The following FGD3 variants were observed in gnomAD, a reference collection of about 807,000 sequenced individuals.
The protein encoded by FGD3 is FYVE, RhoGEF and PH domain containing 3, also known as FYVE, RhoGEF and PH domain-containing protein 3.
In FGD3, 45 loss-of-function variants were observed where a neutral mutation model predicts 71.8. The ratio of observed to expected loss-of-function variants is 0.63; its 90% CI spans 0.49 to 0.80. The LOEUF is 0.80. Among genes scored for constraint, FGD3 ranks in the 30% least tolerant of loss-of-function variants. The probability of loss-of-function intolerance (pLI) is 0.00; values close to 1 mark genes in which losing one functional copy is unlikely to be tolerated. For missense variants in FGD3, 844 were observed against 951.5 expected (o/e 0.89, Z 1.49); for synonymous variants, 378 against 392.8 (o/e 0.96, Z 0.44).
At chr9:92,952,861 C>A (rs1338011811) in intron 1 of FGD3, among the ~76,000 whole-genome samples, 1 of 152,134 alleles carries the variant, frequency 6.6e-6, no homozygotes, top group Non-Finnish European at 1.5e-5. Flanking sequence ...CCCCCGAGGT[C>A]CTCCAGCTCA....
intron 8 of FGD3, among the ~76,000 whole-genome samples, chr9:93,011,712 T>C (rs1023982846): frequency 8.9e-5 from 13 of 146,660 alleles, no homozygotes; most frequent in Middle Eastern, 4.1e-3. Context: ...AAAAATTAGC[T>C]GGGCGTAGTG....
At chr9:92,977,729 A>G (rs755044183) in intron 3 of FGD3, among the ~76,000 whole-genome samples, 3 of 152,186 alleles carry the variant, frequency 2.0e-5, no homozygotes, top group Non-Finnish European at 2.9e-5. Flanking sequence ...AGGGTCAGTC[A>G]GAAGGCAGAG....
At chr9:93,002,536 C>A (rs1860893873) in intron 3 of FGD3, among the ~76,000 whole-genome samples, 2 of 152,140 alleles carry the variant, frequency 1.3e-5, no homozygotes, top group Admixed American at 6.5e-5. Flanking sequence ...TTACTGAAAT[C>A]TTTTCTTGGC....
chr9:93,015,775 G>A lies in FGD3; in HGVS notation c.1221G>A (p.Arg407=), dbSNP rs768048032. The A allele has an allele frequency of 1.9e-6, 3 of 1,614,202 alleles. No homozygotes were observed. The highest frequency in any genetic ancestry group is 1.7e-6 in the Non-Finnish European group (2 of 1,180,040). ...SMILYCVPKL[R]LMGQKFSVRE... is the part of the protein sequence containing the mutation. Reference sequence around the variant, plus strand: ...TCCTTTACTGTGTGCCCAAGCTGCGGCTCATGGGCCAGAAGTTCAGCGTCC... The same window carrying A: ...TCCTTTACTGTGTGCCCAAGCTGCGACTCATGGGCCAGAAGTTCAGCGTCC... The change falls in exon 10 of 18, where the codon CGG becomes CGA. Residue 407 remains arginine (R), a synonymous_variant. Coordinates refer to ENST00000375482, the MANE Select transcript of FGD3 (RefSeq NM_001083536.2).
chr9:93,022,257 T>C, intron 13 of FGD3, 70 bp from the exon 14 acceptor site: 1 of 1,484,322 alleles, frequency 6.7e-7, no homozygotes, highest in Non-Finnish European at 9.3e-7. Flanking sequence ...CTTCAGGAAC[T>C]GTCCCCCCGC....
At chr9:92,981,870 A>G (rs12349817) in intron 3 of FGD3, among the ~76,000 whole-genome samples, 2,304 of 152,184 alleles carry the variant, frequency 0.015, 66 homozygotes, top group African/African-American at 0.052. Context: ...GACAGATACT[A>G]GCTGTACATA....
At chr9:92,998,136 A>G (rs1011234174) in intron 3 of FGD3, among the ~76,000 whole-genome samples, 4 of 152,150 alleles carry the variant, frequency 2.6e-5, no homozygotes, top group African/African-American at 9.7e-5. Flanking sequence ...CTTTTCACAT[A>G]GTCTCATATT....
chr9:92,974,021 C>G (rs1859630889), intron 1 of FGD3, among the ~76,000 whole-genome samples: 1 of 152,254 alleles, frequency 6.6e-6, no homozygotes. Flanking sequence ...TCACCTCATT[C>G]ATTCCCGTCT....
chr9:92,948,212 T>G (rs988744216), intron 1 of FGD3, among the ~76,000 whole-genome samples: 3 of 151,778 alleles, frequency 2.0e-5, no homozygotes, highest in Non-Finnish European at 4.4e-5. Context: ...GGGGACCCCA[T>G]GTCGGATGCT....
chr9:93,010,286 T>C lies in FGD3; in HGVS notation c.878T>C (p.Met293Thr). ...VCGNLTLQHH[M>T]LEPVQRVPRY... is the part of the protein sequence containing the mutation. ...GGGAACCTGACGCTGCAGCACCACA[T>C]GCTGGAGCCCGTGCAGAGGGTCCCC... Residue 293 changes from methionine (M) to threonine (T), a missense_variant, in exon 7 of 18, where the codon ATG becomes ACG. By Grantham distance (81) the Met-to-Thr change is moderately conservative. Transcript: ENST00000375482. The C allele has an allele frequency of 2.5e-6, 4 of 1,613,356 alleles. No homozygotes were observed. Among genetic ancestry groups the C allele is most frequent in the Non-Finnish European group, 3.4e-6 (4 of 1,179,448 alleles).
chr9:92,982,726 C>A (rs1233579804), intron 3 of FGD3, among the ~76,000 whole-genome samples: 1 of 152,046 alleles, frequency 6.6e-6, no homozygotes, highest in Non-Finnish European at 1.5e-5. Flanking sequence ...TCTAATATCA[C>A]AATCTCCAAC....
rs536599734 is a variant in FGD3 at position 92,973,448 on chromosome 9, A to G, written c.-217-1790A>G. 4.6e-5 allele frequency among the ~76,000 whole-genome samples: 7 copies of G among 152,228 alleles called. No individual in the cohort carries two copies. The East Asian group carries it at 9.7e-4, about 21-fold the overall frequency. On this transcript the variant is annotated intron_variant, in intron 1 of 17. Transcript: ENST00000375482. The stretch of plus-strand genomic sequence containing the variant: ...GTGATTTTTGATTGGATGCCAGACT[A>G]TGGGAATTTTACCTTGCCATGCACT...
At chr9:92,981,011 T>C (rs1023316729) in intron 3 of FGD3, among the ~76,000 whole-genome samples, 3 of 151,506 alleles carry the variant, frequency 2.0e-5, no homozygotes, top group Non-Finnish European at 2.9e-5. Flanking sequence ...TGTTGTTTAA[T>C]TTGCACATGT....
At chr9:93,023,795 CTTTTTTTTTT>C (rs569058583) in intron 14 of FGD3, among the ~76,000 whole-genome samples, 5 of 107,672 alleles carry the variant, frequency 4.6e-5, no homozygotes, top group African/African-American at 3.9e-5. Context: ...CCATCAGCAA[CTTTTTTTTTT>C]TTTTTTTTTT....
intron 1 of FGD3, among the ~76,000 whole-genome samples, chr9:92,950,941 C>T (rs1476388628): frequency 1.3e-5 from 2 of 152,140 alleles, no homozygotes; most frequent in African/African-American, 4.8e-5. Context: ...AGATTGGCTT[C>T]TCCCCAAGAT....
intron 1 of FGD3, among the ~76,000 whole-genome samples, chr9:92,955,426 C>G (rs145236792): frequency 1.3e-5 from 2 of 152,020 alleles, no homozygotes; most frequent in Non-Finnish European, 2.9e-5. Flanking sequence ...ATCCCAGCTA[C>G]CCGGGAGGCT....
chr9:92,996,552 C>A (rs1312260461), intron 3 of FGD3, among the ~76,000 whole-genome samples: 1 of 152,116 alleles, frequency 6.6e-6, no homozygotes, highest in Admixed American at 6.5e-5. Flanking sequence ...TTCTCTAGTT[C>A]TTTTAATTGT....
intron 1 of FGD3, among the ~76,000 whole-genome samples, chr9:92,952,299 C>G (rs1303023787): frequency 6.7e-6 from 1 of 149,176 alleles, no homozygotes; most frequent in Non-Finnish European, 1.5e-5. Context: ...TGCAGTGGCA[C>G]GATCTCGGCT....
chr9:92,999,114 G>T (rs1429694092), intron 3 of FGD3, among the ~76,000 whole-genome samples: 2 of 152,164 alleles, frequency 1.3e-5, no homozygotes, highest in African/African-American at 4.8e-5. Context: ...GCTGTGGTGG[G>T]CTCCACTCAG....
Sources: allele counts gnomAD v4.1 joint callset (sites outside exome capture counted in the v4.1 genomes callset), GRCh38; gene constraint gnomAD v4.1.1; transcripts MANE v1.5; gene names NCBI Gene and HGNC (gene_info 2026-07-23, HGNC 2026-07-21).